Variants in ATG2B observed in about 807,000 individuals in gnomAD.
The protein encoded by ATG2B is autophagy-related protein 2 homolog B.
ATG2B carries 121 observed loss-of-function variants against 241.3 expected under a neutral mutation model. The ratio of observed to expected loss-of-function variants is 0.50; its 90% CI spans 0.43 to 0.58. The LOEUF (loss-of-function observed/expected upper bound fraction) is 0.58. Among genes scored for constraint, ATG2B ranks in the 20% least tolerant of loss-of-function variants. The probability of loss-of-function intolerance (pLI) is 0.00; values close to 1 mark genes in which losing one functional copy is unlikely to be tolerated. For missense variants in ATG2B, 2,306 were observed against 2,491.6 expected, an observed-to-expected ratio of 0.93 and a Z score of 1.59; for synonymous variants, 858 against 876.6, an observed-to-expected ratio of 0.98 and a Z score of 0.37.
intron 6 of ATG2B, among the ~76,000 whole-genome samples, chr14:96,340,293 C>T (rs1887999222): frequency 6.7e-6 from 1 of 149,906 alleles, no homozygotes; most frequent in African/African-American, 2.4e-5. Context: ...AATATGGACT[C>T]ATCCTACATA....
At chr14:96,336,005 T>G (rs1013859676) in intron 6 of ATG2B, among the ~76,000 whole-genome samples, 1 of 152,140 alleles carries the variant, frequency 6.6e-6, no homozygotes, top group African/African-American at 2.4e-5. Context: ...CAACTCAATG[T>G]AACATGGTAA....
chr14:96,311,943 ATATACT>A (rs1887170441), intron 26 of ATG2B, 140 bp downstream of exon 26: 2 of 668,272 alleles, frequency 3.0e-6, no homozygotes, highest in Non-Finnish European at 5.2e-6. Flanking sequence ...CATGATCACT[ATATACT>A]TAAAGACCCT....
intron 28 of ATG2B, among the ~76,000 whole-genome samples, chr14:96,310,813 A>G (rs1887129108): frequency 6.6e-6 from 1 of 152,236 alleles, no homozygotes; most frequent in Non-Finnish European, 1.5e-5. Context: ...CTTGCATAGA[A>G]CAAGCTTTTG....
chr14:96,288,659 C>T (rs1886401858), intron 41 of ATG2B, among the ~76,000 whole-genome samples: 1 of 152,146 alleles, frequency 6.6e-6, no homozygotes, highest in African/African-American at 2.4e-5. Context: ...CTAGGCACGT[C>T]TGACTGTTGT....
At chr14:96,292,169 T>G in intron 36 of ATG2B, 71 bp from the exon 37 acceptor site, 1 of 957,692 alleles carries the variant, frequency 1.0e-6, no homozygotes. Context: ...TATAAATTAA[T>G]TTGTTCAATT....
intron 29 of ATG2B, among the ~76,000 whole-genome samples, chr14:96,308,270 A>ATATATACATG (rs1887045967): frequency 3.6e-5 from 1 of 27,904 alleles, no homozygotes; most frequent in Non-Finnish European, 5.9e-5. Context: ...ATATATATAT[A>ATATATACATG]TATATATATA....
intron 4 of ATG2B, among the ~76,000 whole-genome samples, chr14:96,343,707 C>T (rs563654767): frequency 2.0e-5 from 3 of 152,216 alleles, no homozygotes; most frequent in Admixed American, 2.0e-4. Flanking sequence ...AACAGTGTGA[C>T]AGCATTTGGC....
intron 18 of ATG2B, among the ~76,000 whole-genome samples, chr14:96,319,363 T>C (rs1241111976): frequency 1.3e-5 from 2 of 152,218 alleles, no homozygotes; most frequent in Non-Finnish European, 2.9e-5. Context: ...CATGACTCTG[T>C]GTCTATGAGG....
rs772915732 is a variant in ATG2B at position 96,332,412 on chromosome 14, T to G, written c.1363-2A>C. On this transcript the variant is annotated splice_acceptor_variant, in intron 9 of 41. Transcript: ENST00000359933. LOFTEE classifies it high-confidence loss of function. ...GAACTCTCCCCAAGTGGGCTGAAGC[T>G]ATAAAAGATTTTTTTTAAGCACATG... The G allele has an allele frequency of 6.2e-7, 1 of 1,613,570 alleles. No homozygotes were observed. The highest frequency in any genetic ancestry group is 1.1e-5 in the South Asian group (1 of 90,988).
At chr14:96,350,567 C>A (rs928193322) in intron 1 of ATG2B, among the ~76,000 whole-genome samples, 1 of 152,082 alleles carries the variant, frequency 6.6e-6, no homozygotes, top group Non-Finnish European at 1.5e-5. Flanking sequence ...AACGTAAATG[C>A]GATTTTTAAA....
chr14:96,304,167 C>A (rs1252492075), intron 32 of ATG2B, among the ~76,000 whole-genome samples: 1 of 152,220 alleles, frequency 6.6e-6, no homozygotes, highest in Non-Finnish European at 1.5e-5. Context: ...TCAGTCTGAC[C>A]CTACCTCAGA....
In ATG2B at chr14:96,328,753, T is replaced by C. The variant is rs1026223541; in HGVS notation, c.1895A>G (p.His632Arg). 1.9e-6 allele frequency: 3 copies of C among 1,610,096 alleles called. No homozygotes were observed. The African/African-American group carries it at 4.0e-5, about 22-fold the overall frequency. Residue 632 changes from histidine (H) to arginine (R), a missense_variant, in exon 13 of 42, where the codon CAT becomes CGT. Physicochemically the swap from His to Arg is conservative, Grantham distance 29. Coordinates refer to ENST00000359933, the MANE Select transcript of ATG2B (RefSeq NM_018036.7). ...PPHYTELLTF[H>R]SKEETGSHSP... ...ATGGGAACCAGTTTCTTCTTTGGAATGGAACGTTAAAAGCTTAAAAGTAAA... is the reference window on the plus strand; with the variant it reads ...ATGGGAACCAGTTTCTTCTTTGGAACGGAACGTTAAAAGCTTAAAAGTAAA...
At position 96,305,603 on chromosome 14, in the gene ATG2B, C is replaced by T. The variant is rs774029253; in HGVS notation, c.4719G>A (p.Pro1573=). ...KDFGIVPPTS[P]AKSYISPHSS... The stretch of plus-strand genomic sequence containing the variant: ...AATTAACTTACATATAACTTTTAGC[C>T]GGAGAAGTGGGAGGGACTATTCCAA... The change falls in exon 31 of 42, where the codon CCG becomes CCA. Residue 1573 remains proline, a synonymous_variant. Coordinates refer to ENST00000359933, the MANE Select transcript of ATG2B (RefSeq NM_018036.7). The T allele has an allele frequency of 6.2e-6, 10 of 1,609,830 alleles. No individual in the cohort carries two copies. Among genetic ancestry groups the T allele is most frequent in the African/African-American group, 2.7e-5 (2 of 74,800 alleles).
At chr14:96,304,195 T>G (rs1886869716) in intron 32 of ATG2B, among the ~76,000 whole-genome samples, 1 of 152,200 alleles carries the variant, frequency 6.6e-6, no homozygotes, top group Admixed American at 6.5e-5. Flanking sequence ...AATCAGAAAC[T>G]CTGGGGTGGA....
Position 96,289,861 on chromosome 14 carries a change from G to A in ATG2B, c.5857-56C>T, listed in dbSNP as rs533925935. 3.2e-5 allele frequency: 51 copies of A among 1,587,304 alleles called. 1 individual carries two copies. In the South Asian group the frequency reaches 3.9e-4, roughly 12 times the overall value. ...ATTAGAAGAAAGTCTGAAGAGTTAC[G>A]GACCAGCAGAGCACTTCCTACAGGG... On this transcript the variant is annotated intron_variant, in intron 40 of 41. Coordinates refer to ENST00000359933, the MANE Select transcript of ATG2B (RefSeq NM_018036.7). The surrounding 1 kb of genome is among the most constrained non-coding windows in gnomAD (Gnocchi z 4.3).
Position 96,313,156 on chromosome 14 carries a change from G to T in ATG2B, c.3751C>A (p.Pro1251Thr). ...HLWSCALDYR[P>T]LYLPIRSLLT... The stretch of plus-strand genomic sequence containing the variant: ...AGAGATCGGATTGGCAAATAAAGGG[G>T]TCTAATGCCAAAGAGAAACAAAAGA... The change falls in exon 25 of 42, where the codon CCC becomes ACC. Residue 1251 changes from proline to threonine, a missense_variant and splice_region_variant. This residue lies in a region of ATG2B where 1,927 missense variants were observed against 2,011.2 expected (regional missense o/e 0.96). Transcript: ENST00000359933. 1 of 1,608,562 alleles carries T rather than the reference G, an allele frequency of 6.2e-7. No homozygotes were observed.
chr14:96,308,235 T>TATATATATATATATACAC (rs1566719589), intron 29 of ATG2B, among the ~76,000 whole-genome samples: 1 of 22,120 alleles, frequency 4.5e-5, no homozygotes, highest in African/African-American at 1.4e-4. Flanking sequence ...TATATACATA[T>TATATATATATATATACAC]ATATATATAT....
chr14:96,308,267 T>TATATATATAC (rs1887042864), intron 29 of ATG2B, among the ~76,000 whole-genome samples: 1 of 27,060 alleles, frequency 3.7e-5, no homozygotes, highest in Non-Finnish European at 8.3e-5. Flanking sequence ...CATATATATA[T>TATATATATAC]ATATATATAT....
intron 25 of ATG2B, 102 bp downstream of exon 25, chr14:96,312,963 G>T: frequency 2.8e-6 from 2 of 708,630 alleles, no homozygotes; most frequent in Non-Finnish European, 4.5e-6. Context: ...GTAAAAGAAC[G>T]TTTAACAAAA....
Sources: allele counts gnomAD v4.1 joint callset (sites outside exome capture counted in the v4.1 genomes callset), GRCh38; gene constraint gnomAD v4.1.1; regional missense constraint gnomAD v4.1.1; non-coding constraint Gnocchi (gnomAD v3.1); transcripts MANE v1.5; gene names NCBI Gene and HGNC (gene_info 2026-07-23, HGNC 2026-07-21).